The following KLRD1 variants were observed in gnomAD, a reference collection of about 807,000 sequenced individuals.
KLRD1 encodes the protein killer cell lectin like receptor D1, also known as natural killer cells antigen CD94.
Under a neutral mutation model 22.6 loss-of-function variants are expected in KLRD1, and 21 were observed. The ratio of observed to expected loss-of-function variants is 0.93; its 90% CI spans 0.66 to 1.34. KLRD1 has a LOEUF of 1.34. Ranked by LOEUF, KLRD1 falls within the 40% of genes most tolerant of loss-of-function variation. The pLI, the probability that KLRD1 is intolerant of heterozygous loss-of-function variation, is 0.00. For synonymous variants in KLRD1, 59 were observed against 71.1 expected (o/e 0.83, Z 0.85); for missense variants, 183 against 208.6 (o/e 0.88, Z 0.76).
intron 1 of KLRD1, among the ~76,000 whole-genome samples, chr12:10,244,007 CTG>C (rs1396039614): frequency 1.3e-5 from 2 of 152,064 alleles, no homozygotes; most frequent in Non-Finnish European, 2.9e-5. Flanking sequence ...TGGTTAGAAA[CTG>C]TTGTTTAGTG....
At chr12:10,264,948 G>A (rs1168215110) in intron 1 of KLRD1, among the ~76,000 whole-genome samples, 1 of 151,972 alleles carries the variant, frequency 6.6e-6, no homozygotes, top group Non-Finnish European at 1.5e-5. Context: ...GTGATATCAT[G>A]CAATACTTTC....
At chr12:10,262,169 C>T (rs753129025) in intron 1 of KLRD1, among the ~76,000 whole-genome samples, 13 of 152,042 alleles carry the variant, frequency 8.6e-5, no homozygotes, top group Non-Finnish European at 1.8e-4. Context: ...TGATAATTAT[C>T]TGATGTGTAA....
chr12:10,273,700 G>A (rs781068719), intron 1 of KLRD1, among the ~76,000 whole-genome samples: 53 of 152,222 alleles, frequency 3.5e-4, no homozygotes, highest in Admixed American at 7.2e-4. Context: ...ATCAACTTCA[G>A]ATATTAATAA....
intron 4 of KLRD1, among the ~76,000 whole-genome samples, chr12:10,313,157 A>C (rs1351578765): frequency 6.6e-6 from 1 of 152,068 alleles, no homozygotes; most frequent in Non-Finnish European, 1.5e-5. Context: ...TGAAAACTCT[A>C]TCTCCTTTTA....
rs1565474037 is a variant in KLRD1 at position 10,314,664 on chromosome 12, T to G, written c.420-9T>G. On this transcript the variant is annotated splice_polypyrimidine_tract_variant and intron_variant, in intron 5 of 5. Transcript: ENST00000336164. ...TTTGTGTATGTGAACATTTTCTTCT[T>G]CATTACAGATTTCCATCATTTGAAA... The G allele has an allele frequency of 6.4e-6, 10 of 1,551,096 alleles. No homozygotes were observed. The highest frequency in any genetic ancestry group is 7.8e-6 in the Non-Finnish European group (9 of 1,154,416).
upstream of KLRD1, chr12:10,307,855 A>C (rs749819821): frequency 9.4e-6 from 5 of 529,106 alleles, no homozygotes; most frequent in Non-Finnish European, 1.3e-5. Flanking sequence ...GAGGCTTGTG[A>C]TTCTACTGCT....
At chr12:10,244,309 G>C (rs148628061) in intron 1 of KLRD1, among the ~76,000 whole-genome samples, 1 of 152,234 alleles carries the variant, frequency 6.6e-6, no homozygotes, top group East Asian at 1.9e-4. Context: ...CAGGGAACTG[G>C]AGAACAGTCA....
intron 1 of KLRD1, among the ~76,000 whole-genome samples, chr12:10,248,536 TCCTTCCTTCCTTCCTTCCTTCC>T (rs1592022496): frequency 8.9e-6 from 1 of 112,252 alleles, no homozygotes; most frequent in African/African-American, 3.4e-5. Context: ...TTCTTTTCCT[TCCTTCCTTCCTTCCTTCCTTCC>T]TTCCTTCCTT....
At chr12:10,249,263 T>G (rs1334905539) in intron 1 of KLRD1, among the ~76,000 whole-genome samples, 1 of 152,118 alleles carries the variant, frequency 6.6e-6, no homozygotes, top group African/African-American at 2.4e-5. Flanking sequence ...TTCTGCCACA[T>G]TATGAGGATT....
At chr12:10,297,080 CAA>C (rs1384833884) in intron 1 of KLRD1, among the ~76,000 whole-genome samples, 8 of 151,522 alleles carry the variant, frequency 5.3e-5, no homozygotes, top group African/African-American at 9.8e-5. Context: ...AATTTTGAGA[CAA>C]GAGAAGGAAG....
Position 10,283,497 on chromosome 12 carries a change from A to G in KLRD1, c.-100-24481A>G, listed in dbSNP as rs182723285. On this transcript the variant is annotated intron_variant, in intron 1 of 5. Coordinates refer to the KLRD1 transcript ENST00000544747. ...GTATTGTACATTTCAAAATTTGTTA[A>G]TAGAGTAGATCTCATGGTGTATTCC... Among the ~76,000 whole-genome samples, 701 of 152,336 alleles carry G rather than the reference A, an allele frequency of 4.6e-3. 7 individuals are homozygous for G. The highest frequency in any genetic ancestry group is 0.015 in the African/African-American group (635 of 41,568).
intron 1 of KLRD1, among the ~76,000 whole-genome samples, chr12:10,248,849 C>T (rs780258810): frequency 4.6e-5 from 7 of 152,090 alleles, no homozygotes; most frequent in East Asian, 1.9e-4. Flanking sequence ...CCACCCACCT[C>T]GGCCTCCCAA....
rs759431053 is a variant in KLRD1, at chr12:10,316,837, A to G, written c.*2044A>G. The G allele has an allele frequency of 2.6e-5, 4 of 152,192 alleles. No individual in the cohort carries two copies. The highest frequency in any genetic ancestry group is 5.9e-5 in the Non-Finnish European group (4 of 68,042). 9.4% of individuals were successfully genotyped at this position (152,192 alleles called of 1,614,324 possible). ...ACCTGCAGGTTTGTTACATAGGTATACATGTTCCAAGGTGGTTTGCTGCAC... is the reference window on the plus strand; with the variant it reads ...ACCTGCAGGTTTGTTACATAGGTATGCATGTTCCAAGGTGGTTTGCTGCAC... On this transcript the variant is annotated 3_prime_UTR_variant, in exon 6 of 6. Coordinates refer to ENST00000336164, the MANE Select transcript of KLRD1 (RefSeq NM_002262.5).
intron 1 of KLRD1, among the ~76,000 whole-genome samples, chr12:10,257,800 T>G (rs1471495929): frequency 1.3e-5 from 2 of 152,066 alleles, no homozygotes; most frequent in African/African-American, 2.4e-5. Flanking sequence ...GCTTTGAGAT[T>G]TTTTTGAAAA....
At chr12:10,253,429 A>G (rs2537805) in intron 1 of KLRD1, among the ~76,000 whole-genome samples, 137,695 of 152,108 alleles carry the variant, frequency 0.91, 62,565 homozygotes, top group Middle Eastern at 0.95. Context: ...TCTAACTTTT[A>G]TTTTAGGTTT....
Position 10,315,198 on chromosome 12 carries a change from T to C in KLRD1, c.*405T>C, listed in dbSNP as rs548622257. On this transcript the variant is annotated 3_prime_UTR_variant, in exon 6 of 6. Coordinates refer to ENST00000336164, the MANE Select transcript of KLRD1 (RefSeq NM_002262.5). The stretch of plus-strand genomic sequence containing the variant: ...CCCAGGCTGGAGCATAGTGGCAAGA[T>C]CATAGCTCATTGCAAGCTCAAGTGA... 46 of 392,458 alleles carry C rather than the reference T, an allele frequency of 1.2e-4. No individual in the cohort carries two copies. Among genetic ancestry groups the C allele is most frequent in the African/African-American group, 8.4e-4 (39 of 46,204 alleles). The allele number at this position is 392,458 out of a possible 1,614,324, so 24.3% of individuals were successfully genotyped here.
chr12:10,323,605 C>A lies in KLRD1; in HGVS notation c.*8812C>A, dbSNP rs200938522. On this transcript the variant is annotated 3_prime_UTR_variant, in exon 6 of 6. Transcript: ENST00000336164. ...CATATCTATGCATCTGTGAAACCATCACCTCAGCAATATATAAAACACCTA... is the reference window on the plus strand; with the variant it reads ...CATATCTATGCATCTGTGAAACCATAACCTCAGCAATATATAAAACACCTA... The A allele has an allele frequency of 2.6e-5, 4 of 151,936 alleles. No homozygotes were observed. In the East Asian group the frequency reaches 7.7e-4, roughly 29 times the overall value. The allele number at this position is 151,936 out of a possible 1,614,324, so 9.4% of individuals were successfully genotyped here. A position where few individuals can be genotyped will look rare whatever the true frequency, so the allele number is the denominator to read the frequency against.
In KLRD1 at chr12:10,314,917, C is replaced by A; in HGVS notation, c.*124C>A. ...TCTATAAAATGTTTTTAAACAGTGT[C>A]ATATACAATTGTCATGTATGTGAAA... On this transcript the variant is annotated 3_prime_UTR_variant, in exon 6 of 6. Transcript: ENST00000336164. 1.2e-6 allele frequency: 1 copy of A among 867,614 alleles called. No individual in the cohort carries two copies. Among genetic ancestry groups the A allele is most frequent in the Non-Finnish European group, 1.7e-6 (1 of 574,956 alleles). The allele number at this position is 867,614 out of a possible 1,614,324, so 53.7% of individuals were successfully genotyped here. A position where few individuals can be genotyped will look rare whatever the true frequency, so the allele number is the denominator to read the frequency against.
chr12:10,264,169 T>C (rs1949478952), intron 1 of KLRD1, among the ~76,000 whole-genome samples: 1 of 152,148 alleles, frequency 6.6e-6, no homozygotes, highest in Admixed American at 6.5e-5. Context: ...TTCTGGTTCA[T>C]TTATGCTAAA....
Sources: allele counts gnomAD v4.1 joint callset (sites outside exome capture counted in the v4.1 genomes callset), GRCh38; gene constraint gnomAD v4.1.1; transcripts MANE v1.5; gene names NCBI Gene and HGNC (gene_info 2026-07-23, HGNC 2026-07-21).